Variants in PRUNE1 observed in about 807,000 individuals in gnomAD.
The protein encoded by PRUNE1 is exopolyphosphatase PRUNE1.
A neutral mutation model predicts 42.5 loss-of-function variants in PRUNE1; 25 were observed. The ratio of observed to expected loss-of-function variants is 0.59; its 90% CI spans 0.43 to 0.82. The LOEUF is 0.82. Ranked by LOEUF, PRUNE1 falls within the 40% of genes least tolerant of loss-of-function variation. The pLI, the probability that PRUNE1 is intolerant of heterozygous loss-of-function variation, is 0.00. For missense variants in PRUNE1, 443 were observed against 539.3 expected (o/e 0.82, Z 1.77); for synonymous variants, 203 against 217.1 (o/e 0.93, Z 0.57).
rs1190480082 is a variant in PRUNE1, at chr1:151,011,889, C to CT, written c.39+3219dup. On this transcript the variant is annotated intron_variant, in intron 1 of 7. Coordinates refer to ENST00000271620, the MANE Select transcript of PRUNE1 (RefSeq NM_021222.3). ...CGCCTGCCAGGTTCAAGTGATTTTC[C>CT]TGCCTCAGCCTCCCGAGTAGCTGGG... Among the ~76,000 whole-genome samples, 3 of 151,806 alleles carry CT rather than the reference C, an allele frequency of 2.0e-5. No homozygotes were observed. In the East Asian group the frequency reaches 5.8e-4, roughly 29 times the overall value.
At chr1:151,020,342 T>C (rs1411568517) in intron 3 of PRUNE1, among the ~76,000 whole-genome samples, 2 of 151,856 alleles carry the variant, frequency 1.3e-5, no homozygotes, top group Admixed American at 6.6e-5. Flanking sequence ...TCCCAGCTAC[T>C]TAGGAGGCTG....
intron 6 of PRUNE1, among the ~76,000 whole-genome samples, chr1:151,028,041 C>G (rs587621349): frequency 9.2e-5 from 14 of 152,252 alleles, no homozygotes; most frequent in African/African-American, 3.4e-4. Flanking sequence ...AGTACTGCAG[C>G]CACACTGGTT....
intron 6 of PRUNE1, among the ~76,000 whole-genome samples, chr1:151,027,682 A>G (rs1313881129): frequency 1.3e-5 from 2 of 150,616 alleles, no homozygotes; most frequent in East Asian, 3.9e-4. Context: ...TCCAGGCTCA[A>G]GCAATCCTCC....
At chr1:151,028,149 G>A (rs113900844) in intron 6 of PRUNE1, among the ~76,000 whole-genome samples, 7 of 152,256 alleles carry the variant, frequency 4.6e-5, no homozygotes, top group African/African-American at 1.4e-4. Flanking sequence ...CAGCTCAGAT[G>A]TCTCTTGTTT....
At chr1:151,029,356 A>G (rs1296814336) in intron 7 of PRUNE1, among the ~76,000 whole-genome samples, 1 of 146,500 alleles carries the variant, frequency 6.8e-6, no homozygotes, top group Non-Finnish European at 1.5e-5. Flanking sequence ...GGATTGCTTA[A>G]GCTGGAAAGT....
At position 151,034,225 on chromosome 1, in the gene PRUNE1, C is replaced by G. The variant is rs1333929159; in HGVS notation, c.1353C>G (p.Ser451=). The G allele has an allele frequency of 1.2e-6, 2 of 1,607,862 alleles. No homozygotes were observed. The highest frequency in any genetic ancestry group is 1.3e-5 in the African/African-American group (1 of 74,796). The change falls in exon 8 of 8, where the codon TCC becomes TCG. Residue 451 remains serine (S), a synonymous_variant. Coordinates refer to ENST00000271620, the MANE Select transcript of PRUNE1 (RefSeq NM_021222.3). ...CACAGTCTACCACAGCCTCCCTGTC[C>G]AAGAAGTGACTGTTGAGAGGCGAGG... ...SLSQSTTASL[S]KK
chr1:151,008,904 G>GGTCC, intron 1 of PRUNE1: 1 of 676,384 alleles, frequency 1.5e-6, no homozygotes, highest in Non-Finnish European at 2.7e-6. Context: ...CCGCCTTTGG[G>GGTCC]GTCCGCCTGA....
intron 4 of PRUNE1, 132 bp from the exon 5 acceptor site, chr1:151,025,383 C>A (rs1674764306): frequency 4.4e-6 from 4 of 899,930 alleles, no homozygotes; most frequent in South Asian, 4.6e-5. Flanking sequence ...CCCAGTTTCT[C>A]ATTTTGCTTT....
rs1257976944 is a variant in PRUNE1, at chr1:151,027,267, G to A, written c.714G>A (p.Gln238=). Residue 238 remains glutamine, a synonymous_variant, in exon 6 of 8, where the codon CAG becomes CAA. Coordinates refer to ENST00000271620, the MANE Select transcript of PRUNE1 (RefSeq NM_021222.3). ...CTGAGCAGATGCTGAGAAAAGACCAGAAGACTATCTATAGACAAGGCGTCA... is the reference window on the plus strand; with the variant it reads ...CTGAGCAGATGCTGAGAAAAGACCAAAAGACTATCTATAGACAAGGCGTCA... ...LTTEQMLRKD[Q]KTIYRQGVKV... 6.2e-6 allele frequency: 10 copies of A among 1,611,524 alleles called. No homozygotes were observed. The highest frequency in any genetic ancestry group is 7.6e-6 in the Non-Finnish European group (9 of 1,177,914).
intron 3 of PRUNE1, among the ~76,000 whole-genome samples, chr1:151,019,076 A>G (rs1192863622): frequency 6.6e-6 from 1 of 152,178 alleles, no homozygotes; most frequent in African/African-American, 2.4e-5. Flanking sequence ...CAGGGATCTC[A>G]TAGGCTAATC....
rs587597331 is a variant in PRUNE1, at chr1:151,020,943, C to T, written c.335+2274C>T. Among the ~76,000 whole-genome samples the T allele has an allele frequency of 3.4e-3, 517 of 150,834 alleles. 3 individuals are homozygous for T. The highest frequency in any genetic ancestry group is 7.9e-3 in the South Asian group (38 of 4,790). On this transcript the variant is annotated intron_variant, in intron 3 of 7. Coordinates refer to ENST00000271620, the MANE Select transcript of PRUNE1 (RefSeq NM_021222.3). The stretch of plus-strand genomic sequence containing the variant: ...CTTTCAGTGAGCTGAGATCATGCCA[C>T]TTGCACTCCAGCCTGGGCGACAGAG...
chr1:151,021,451 G>A (rs587718628), intron 3 of PRUNE1, among the ~76,000 whole-genome samples: 10 of 152,132 alleles, frequency 6.6e-5, no homozygotes, highest in South Asian at 2.1e-4. Flanking sequence ...GCGAAACTCC[G>A]TCTCAAAAAA....
intron 7 of PRUNE1, among the ~76,000 whole-genome samples, chr1:151,033,015 C>G (rs1026954913): frequency 6.6e-6 from 1 of 151,938 alleles, no homozygotes; most frequent in Non-Finnish European, 1.5e-5. Context: ...CTCAGGTGAT[C>G]CGCCCACCTT....
intron 7 of PRUNE1, 89 bp downstream of exon 7, chr1:151,029,033 C>G (rs1301163898): frequency 7.6e-7 from 1 of 1,316,016 alleles, no homozygotes; most frequent in Non-Finnish European, 1.0e-6. Context: ...ATAAGGACCT[C>G]TCTTAGGTTC....
intron 3 of PRUNE1, 108 bp downstream of exon 3, chr1:151,018,777 T>G: frequency 1.9e-6 from 2 of 1,035,040 alleles, no homozygotes; most frequent in Non-Finnish European, 2.8e-6. Flanking sequence ...GCATGGTGGC[T>G]CATGCCTGTA....
chr1:151,027,784 G>A (rs1036075298), intron 6 of PRUNE1, among the ~76,000 whole-genome samples: 6 of 144,358 alleles, frequency 4.2e-5, no homozygotes, highest in East Asian at 4.1e-4. Flanking sequence ...GTGTGTGTGC[G>A]CGCGCGTGTA....
chr1:151,018,509 A>T lies in PRUNE1; in HGVS notation c.175A>T (p.Lys59Ter). ...AGTCTTTGTGCCAGTTTTAAATATA[A>T]AACGTTCTGAACTACCTCTGCGAGG... ...EEVFVPVLNI[K>*]RSELPLRGDI... Residue 59 changes from lysine (K) to a stop codon, truncating the protein, a stop_gained, in exon 3 of 8, where the codon AAA becomes TAA. Transcript: ENST00000271620. LOFTEE classifies it high-confidence loss of function. The T allele has an allele frequency of 6.2e-7, 1 of 1,613,902 alleles. No individual in the cohort carries two copies. The highest frequency in any genetic ancestry group is 1.1e-5 in the South Asian group (1 of 91,086).
chr1:151,033,636 C>T (rs1363979362), intron 7 of PRUNE1, among the ~76,000 whole-genome samples, 170 bp from the exon 8 acceptor site: 1 of 151,822 alleles, frequency 6.6e-6, no homozygotes, highest in South Asian at 2.1e-4. Context: ...ATGATCCACC[C>T]GCCTCGGCCT....
intron 1 of PRUNE1, 53 bp from the exon 2 acceptor site, chr1:151,017,759 G>A (rs1674192881): frequency 8.6e-7 from 1 of 1,160,618 alleles, no homozygotes; most frequent in Admixed American, 2.2e-5. Context: ...AAAAAGATAA[G>A]TGGAAATGAA....
Sources: gnomAD v4.1 joint callset for allele counts (sites outside exome capture counted in the v4.1 genomes callset) on GRCh38, gnomAD v4.1.1 for gene constraint, MANE v1.5 for transcripts, NCBI Gene and HGNC (gene_info 2026-07-23, HGNC 2026-07-21) for gene names.